The following ASB15 variants were observed in gnomAD, a reference collection of about 807,000 sequenced individuals.
The protein encoded by ASB15 is ankyrin repeat and SOCS box containing 15, also known as ankyrin repeat and SOCS box protein 15.
ASB15 carries 54 observed loss-of-function variants against 58.0 expected under a neutral mutation model. The ratio of observed to expected loss-of-function variants is 0.93; its 90% CI spans 0.75 to 1.17. ASB15 has a LOEUF of 1.17. ASB15 is among the 50% of genes most tolerant of loss of function. The probability of loss-of-function intolerance (pLI) is 0.00; values close to 1 mark genes in which losing one functional copy is unlikely to be tolerated. For synonymous variants in ASB15, 249 were observed against 262.4 expected, an observed-to-expected ratio of 0.95 and a Z score of 0.50; for missense variants, 680 against 707.4, an observed-to-expected ratio of 0.96 and a Z score of 0.44.
chr7:123,567,664 G>A (rs960671220), intron 1 of ASB15, among the ~76,000 whole-genome samples: 1 of 152,132 alleles, frequency 6.6e-6, no homozygotes, highest in Admixed American at 6.5e-5. Flanking sequence ...CAGGAAGAAA[G>A]CATCTCAATT....
intron 8 of ASB15, 28 bp downstream of exon 8, chr7:123,624,842 A>G: frequency 6.2e-7 from 1 of 1,600,884 alleles, no homozygotes; most frequent in Non-Finnish European, 8.5e-7. Flanking sequence ...ACACTTCCTG[A>G]CTTTTGTCCT....
chr7:123,598,686 T>G (rs1171409450), upstream of ASB15: 1 of 152,174 alleles, frequency 6.6e-6, no homozygotes, highest in East Asian at 1.9e-4. Context: ...AAAGTGAACT[T>G]TGAAACCCCT....
At position 123,629,177 on chromosome 7, in the gene ASB15, A is replaced by G. The variant is rs1801987606; in HGVS notation, c.1183A>G (p.Ile395Val). Residue 395 changes from isoleucine to valine, a missense_variant, in exon 10 of 12, where the codon ATT becomes GTT. Transcript: ENST00000451215. The part of the protein sequence containing the change: ...LVAVRANNYE[I>V]VRLLLSHGAN... ...TGCAGTGAGGGCCAATAATTATGAA[A>G]TTGTCAGGCTGCTTCTCTCCCATGG... 6.2e-7 allele frequency: 1 copy of G among 1,613,832 alleles called. No homozygotes were observed. The highest frequency in any genetic ancestry group is 1.7e-5 in the Admixed American group (1 of 59,988).
Position 123,623,899 on chromosome 7 carries a change from AATGG to A in ASB15, c.452-668_452-665del, listed in dbSNP as rs1445141074. On this transcript the variant is annotated intron_variant, in intron 7 of 11. Coordinates refer to ENST00000451215, the MANE Select transcript of ASB15 (RefSeq NM_001290258.2). ...AAAGAAAAGAAAAGAAGAAAGAAAG[AATGG>A]AAGGAAGGAAGGAAGGAAGAAAGAA... is the stretch of plus-strand genomic sequence containing the variant. 8.5e-5 allele frequency among the ~76,000 whole-genome samples: 7 copies of A among 82,780 alleles called. 1 individual carries two copies. Among genetic ancestry groups the A allele is most frequent in the African/African-American group, 2.1e-4 (4 of 19,270 alleles). The allele number at this position is 82,780 out of a possible 152,430, so 54.3% of individuals were successfully genotyped here. A position where few individuals can be genotyped will look rare whatever the true frequency, so the allele number is the denominator to read the frequency against.
In ASB15 at chr7:123,639,262, G is replaced by A. The variant is rs1054194390; in HGVS notation, c.*2281G>A. Reference sequence around the variant, plus strand: ...ATTAGGGCTATAATTTTAACTTCTTGTATTCCCTAGAGGATATATTTTATA... The same window carrying A: ...ATTAGGGCTATAATTTTAACTTCTTATATTCCCTAGAGGATATATTTTATA... On this transcript the variant is annotated 3_prime_UTR_variant, in exon 12 of 12. Coordinates refer to ENST00000451215, the MANE Select transcript of ASB15 (RefSeq NM_001290258.2). The A allele has an allele frequency of 4.6e-5, 7 of 152,034 alleles. No homozygotes were observed. Among genetic ancestry groups the A allele is most frequent in the Non-Finnish European group, 1.0e-4 (7 of 67,980 alleles). The allele number at this position is 152,034 out of a possible 1,614,324, so 9.4% of individuals were successfully genotyped here. A position where few individuals can be genotyped will look rare whatever the true frequency, so the allele number is the denominator to read the frequency against.
chr7:123,634,990 G>A (rs1802340365), intron 11 of ASB15, among the ~76,000 whole-genome samples: 1 of 152,198 alleles, frequency 6.6e-6, no homozygotes, highest in African/African-American at 2.4e-5. Context: ...AGTTCAGGCT[G>A]TGGGAAACTA....
intron 2 of ASB15, among the ~76,000 whole-genome samples, chr7:123,605,592 C>A (rs949627961): frequency 6.6e-6 from 1 of 152,126 alleles, no homozygotes; most frequent in Non-Finnish European, 1.5e-5. Context: ...TGGAATCAAC[C>A]TAAATGCACA....
intron 1 of ASB15, among the ~76,000 whole-genome samples, chr7:123,595,027 C>T (rs879842585): frequency 1.5e-4 from 23 of 152,210 alleles, no homozygotes; most frequent in Non-Finnish European, 2.4e-4. Flanking sequence ...TGCCCCTCCA[C>T]CCGCCAAGCT....
intron 1 of ASB15, among the ~76,000 whole-genome samples, chr7:123,586,654 C>A (rs1050032025): frequency 6.6e-6 from 1 of 151,678 alleles, no homozygotes; most frequent in African/African-American, 2.4e-5. Flanking sequence ...TACACCTCCC[C>A]CAGCCAACCC....
chr7:123,635,008 T>A (rs1802341305), intron 11 of ASB15, among the ~76,000 whole-genome samples: 2 of 152,304 alleles, frequency 1.3e-5, no homozygotes, highest in Admixed American at 6.5e-5. Context: ...CTAAAGGGCA[T>A]TTGGGTTCTT....
chr7:123,572,806 A>G (rs1798950688), intron 1 of ASB15, among the ~76,000 whole-genome samples: 1 of 151,726 alleles, frequency 6.6e-6, no homozygotes, highest in Non-Finnish European at 1.5e-5. Context: ...TACATTTATT[A>G]TAACTGAGGT....
At chr7:123,623,975 GAAAGAAAGAA>G (rs1801581074) in intron 7 of ASB15, among the ~76,000 whole-genome samples, 4 of 134,156 alleles carry the variant, frequency 3.0e-5, no homozygotes, top group Non-Finnish European at 5.0e-5. Flanking sequence ...AAGAAAGAAA[GAAAGAAAGAA>G]AGAAAGAAAG....
chr7:123,635,013 G>T (rs1584827357), intron 11 of ASB15, among the ~76,000 whole-genome samples: 1 of 152,170 alleles, frequency 6.6e-6, no homozygotes, highest in Non-Finnish European at 1.5e-5. Context: ...GGGCATTTGG[G>T]TTCTTCAAAG....
intron 1 of ASB15, among the ~76,000 whole-genome samples, chr7:123,580,340 G>C (rs1799192348): frequency 6.6e-6 from 1 of 151,920 alleles, no homozygotes; most frequent in Non-Finnish European, 1.5e-5. Context: ...TTAAGTTTTT[G>C]GTTTGAGTTG....
At chr7:123,591,997 G>C (rs1043782977) in intron 1 of ASB15, among the ~76,000 whole-genome samples, 9 of 152,114 alleles carry the variant, frequency 5.9e-5, no homozygotes, top group Non-Finnish European at 1.0e-4. Flanking sequence ...GGTCTATTCA[G>C]AGATTCAACT....
chr7:123,607,984 G>A (rs1800231396), intron 2 of ASB15, among the ~76,000 whole-genome samples: 2 of 152,072 alleles, frequency 1.3e-5, no homozygotes, highest in Admixed American at 1.3e-4. Flanking sequence ...TTCCTAAACT[G>A]TTATGAGTGT....
At chr7:123,583,390 T>C (rs1452724363) in intron 1 of ASB15, among the ~76,000 whole-genome samples, 1 of 152,020 alleles carries the variant, frequency 6.6e-6, no homozygotes, top group South Asian at 2.1e-4. Flanking sequence ...CCATGAAGTG[T>C]AGCAAATTTC....
chr7:123,580,348 T>G (rs1799192422), intron 1 of ASB15, among the ~76,000 whole-genome samples: 1 of 152,008 alleles, frequency 6.6e-6, no homozygotes. Flanking sequence ...TTGGTTTGAG[T>G]TGCTTGAGTC....
chr7:123,617,718 A>G lies in ASB15; in HGVS notation c.432A>G (p.Gly144=). ...GVWPNTKNDK[G]ETPLLIAVKK... ...GGCCCAACACAAAAAATGATAAAGGAGAGACCCCCCTTCTGATTGGTAAAT... is the reference window on the plus strand; with the variant it reads ...GGCCCAACACAAAAAATGATAAAGGGGAGACCCCCCTTCTGATTGGTAAAT... Residue 144 remains glycine (G), a synonymous_variant, in exon 7 of 12, where the codon GGA becomes GGG. Coordinates refer to ENST00000451215, the MANE Select transcript of ASB15 (RefSeq NM_001290258.2). 1 of 1,612,262 alleles carries G rather than the reference A, an allele frequency of 6.2e-7. No homozygotes were observed.
Sources: gnomAD v4.1 joint callset for allele counts (sites outside exome capture counted in the v4.1 genomes callset) on GRCh38, gnomAD v4.1.1 for gene constraint, MANE v1.5 for transcripts, NCBI Gene and HGNC (gene_info 2026-07-23, HGNC 2026-07-21) for gene names.